MED24: variants seen among roughly 807,000 people sequenced by gnomAD.
MED24 encodes mediator complex subunit 24, also known as mediator of RNA polymerase II transcription subunit 24.
MED24 carries 74 observed loss-of-function variants against 118.8 expected under a neutral mutation model. The ratio of observed to expected loss-of-function variants is 0.62; its 90% CI spans 0.52 to 0.76. The LOEUF (loss-of-function observed/expected upper bound fraction) is 0.76, where lower values mean the gene tolerates loss of function less well. Ranked by LOEUF, MED24 falls within the 30% of genes least tolerant of loss-of-function variation. The probability of loss-of-function intolerance (pLI) is 0.00; values close to 1 mark genes in which losing one functional copy is unlikely to be tolerated. For missense variants in MED24, 1,041 were observed against 1,278.9 expected (o/e 0.81, Z 2.84); for synonymous variants, 521 against 523.9 (o/e 0.99, Z 0.08).
intron 17 of MED24, 34 bp downstream of exon 17, chr17:40,026,822 C>T (rs780446078): frequency 2.5e-6 from 4 of 1,611,366 alleles, no homozygotes; most frequent in Admixed American, 1.7e-5. Context: ...CTGCCCCCAC[C>T]GCCACCCTTG....
chr17:40,021,844 C>T, intron 23 of MED24, 111 bp downstream of exon 23: 1 of 791,194 alleles, frequency 1.3e-6, no homozygotes, highest in South Asian at 1.7e-5. Context: ...CCTGCCACAC[C>T]CTCTCTGACC....
intron 22 of MED24, 119 bp from the exon 23 acceptor site, chr17:40,022,173 C>T (rs1982101208): frequency 1.7e-5 from 16 of 932,152 alleles, no homozygotes; most frequent in South Asian, 1.0e-4. Flanking sequence ...GCCTCAGCCC[C>T]TCTCTGCTCA....
Position 40,031,546 on chromosome 17 carries a change from C to T in MED24, c.1059G>A (p.Gln353=). Residue 353 remains glutamine, a synonymous_variant, in exon 11 of 26, where the codon CAG becomes CAA. Transcript: ENST00000394128. ...ACCAGGGGAGCTCATACTTGCAGCG[C>T]TGGTCAGCTTTGTCCAACAAGGGGG... ...KLTPLLDKAD[Q]RCNCDCTNFL... is the part of the protein sequence containing the mutation. The T allele has an allele frequency of 6.2e-7, 1 of 1,614,020 alleles. No individual in the cohort carries two copies. The highest frequency in any genetic ancestry group is 1.6e-4 in the Middle Eastern group (1 of 6,062).
intron 16 of MED24, 56 bp downstream of exon 16, chr17:40,027,327 A>G: frequency 6.5e-7 from 1 of 1,541,176 alleles, no homozygotes; most frequent in East Asian, 2.4e-5. Flanking sequence ...AGGTGGGGAG[A>G]GTTCCGGGTT....
Position 40,035,352 on chromosome 17 carries a change from A to G in MED24, c.327-3T>C. 1 of 1,573,478 alleles carries G rather than the reference A, an allele frequency of 6.4e-7. No individual in the cohort carries two copies. Among genetic ancestry groups the G allele is most frequent in the Non-Finnish European group, 8.6e-7 (1 of 1,156,108 alleles). On this transcript the variant is annotated splice_polypyrimidine_tract_variant and splice_region_variant and intron_variant, in intron 5 of 25. Transcript: ENST00000394128. The stretch of plus-strand genomic sequence containing the variant: ...ATTCCTCTGCTTTGCCGTGACAGCT[A>G]CAGGGAAGGATGCAAAATCAGACTC...
chr17:40,050,675 G>A (rs1272806890), intron 3 of MED24, among the ~76,000 whole-genome samples: 1 of 152,082 alleles, frequency 6.6e-6, no homozygotes, highest in South Asian at 2.1e-4. Context: ...GCTACACAAC[G>A]TGTGCACATA....
Position 40,022,454 on chromosome 17 carries a change from G to C in MED24, c.2463C>G (p.Tyr821Ter). 1 of 1,610,706 alleles carries C rather than the reference G, an allele frequency of 6.2e-7. No homozygotes were observed. Among genetic ancestry groups the C allele is most frequent in the Non-Finnish European group, 8.5e-7 (1 of 1,178,734 alleles). Reference sequence around the variant, plus strand: ...TGGACGCCTGTCCCTTGTGGGAGGAGTAGGAACTGAGGGCACACCACACGG... The same window carrying C: ...TGGACGCCTGTCCCTTGTGGGAGGACTAGGAACTGAGGGCACACCACACGG... Reference protein sequence around the residue: ...KLAVWCALSSYSSHKGQASTR... With the variant: ...KLAVWCALSS Residue 821 changes from tyrosine to a stop codon, truncating the protein, a stop_gained, in exon 22 of 26, where the codon TAC becomes TAG. Transcript: ENST00000394128. LOFTEE classifies it high-confidence loss of function.
At chr17:40,049,738 G>C (rs1430664715) in intron 3 of MED24, among the ~76,000 whole-genome samples, 1 of 151,634 alleles carries the variant, frequency 6.6e-6, no homozygotes, top group Non-Finnish European at 1.5e-5. Flanking sequence ...TGTTGTCCAG[G>C]AGGGTCTCGA....
intron 6 of MED24, 21 bp downstream of exon 6, chr17:40,035,096 C>G (rs1568166870): frequency 6.2e-7 from 1 of 1,612,958 alleles, no homozygotes; most frequent in South Asian, 1.1e-5. Flanking sequence ...AGGTGGGGCT[C>G]AGGGGAATCA....
At chr17:40,052,517 A>G (rs1032062666) in intron 3 of MED24, among the ~76,000 whole-genome samples, 1 of 152,176 alleles carries the variant, frequency 6.6e-6, no homozygotes, top group African/African-American at 2.4e-5. Flanking sequence ...TATATTCCCC[A>G]GGGGCTAAGC....
intron 16 of MED24, 105 bp from the exon 17 acceptor site, chr17:40,027,139 A>C: frequency 7.0e-7 from 1 of 1,419,756 alleles, no homozygotes; most frequent in Non-Finnish European, 9.7e-7. Flanking sequence ...GCTCCAGCCC[A>C]GCCCAAAGAC....
chr17:40,029,054 C>G (rs775015202), intron 13 of MED24, 86 bp from the exon 14 acceptor site: 1 of 1,559,122 alleles, frequency 6.4e-7, no homozygotes, highest in South Asian at 1.1e-5. Context: ...TCTCTCTTCA[C>G]AACCTGGAAT....
chr17:40,044,439 G>A (rs1456603394), intron 3 of MED24, among the ~76,000 whole-genome samples: 1 of 151,808 alleles, frequency 6.6e-6, no homozygotes, highest in Non-Finnish European at 1.5e-5. Context: ...AGAATTGCTT[G>A]AACCCGGGAG....
At chr17:40,036,042 A>T in intron 4 of MED24, 74 bp downstream of exon 4, 1 of 1,493,852 alleles carries the variant, frequency 6.7e-7, no homozygotes, top group Non-Finnish European at 9.3e-7. Flanking sequence ...CACGGGTCAC[A>T]GCATCAGGGC....
intron 5 of MED24, 55 bp from the exon 6 acceptor site, chr17:40,035,404 C>A: frequency 1.3e-5 from 20 of 1,499,644 alleles, no homozygotes; most frequent in Non-Finnish European, 1.7e-5. Context: ...GAAATCCGAC[C>A]CACATCAATG....
At position 40,022,551 on chromosome 17, in the gene MED24, G is replaced by C. The variant is rs1982160119; in HGVS notation, c.2433-67C>G. 1.7e-5 allele frequency: 27 copies of C among 1,596,426 alleles called. No homozygotes were observed. The South Asian group carries it at 2.7e-4, about 16-fold the overall frequency. On this transcript the variant is annotated intron_variant, in intron 21 of 25. Transcript: ENST00000394128. ...CCCAGGAGCTTTCTGTGTCTGACTG[G>C]GCTCCCCAAAGCCCAGTCTCCCAGG...
chr17:40,034,678 A>G (rs1209334809), intron 6 of MED24, among the ~76,000 whole-genome samples: 1 of 152,234 alleles, frequency 6.6e-6, no homozygotes, highest in Non-Finnish European at 1.5e-5. Context: ...GTAACATTCA[A>G]ATACAAGAGT....
intron 6 of MED24, among the ~76,000 whole-genome samples, chr17:40,034,455 T>C (rs564648521): frequency 3.3e-4 from 51 of 152,290 alleles, no homozygotes; most frequent in African/African-American, 1.2e-3. Context: ...AAGAGACCTG[T>C]AGGTGGTCCC....
intron 21 of MED24, 30 bp downstream of exon 21, chr17:40,022,615 G>T (rs1281469684): frequency 1.2e-6 from 2 of 1,611,370 alleles, no homozygotes; most frequent in South Asian, 2.2e-5. Flanking sequence ...TGGGTGGCCG[G>T]AGCAGGGCAA....
Sources: allele counts gnomAD v4.1 joint callset (sites outside exome capture counted in the v4.1 genomes callset), GRCh38; gene constraint gnomAD v4.1.1; transcripts MANE v1.5; gene names NCBI Gene and HGNC (gene_info 2026-07-23, HGNC 2026-07-21).